The following TBC1D2 variants were observed in gnomAD, a reference collection of about 807,000 sequenced individuals.
TBC1D2 encodes TBC1 domain family member 2A.
TBC1D2 carries 58 observed loss-of-function variants against 91.1 expected under a neutral mutation model. That is an observed-to-expected ratio of 0.64 (90% CI 0.52 to 0.79). The LOEUF is 0.79. Among genes scored for constraint, TBC1D2 ranks in the 30% least tolerant of loss-of-function variants. TBC1D2 has a pLI of 0.00. For synonymous variants in TBC1D2, 482 were observed against 511.5 expected, an observed-to-expected ratio of 0.94 and a Z score of 0.78; for missense variants, 1,080 against 1,208.3, an observed-to-expected ratio of 0.89 and a Z score of 1.57.
intron 9 of TBC1D2, among the ~76,000 whole-genome samples, chr9:98,206,721 A>C (rs576217521): frequency 1.1e-4 from 16 of 152,254 alleles, no homozygotes; most frequent in Non-Finnish European, 1.9e-4. Flanking sequence ...TTGTGGTGAG[A>C]CAACGGGCAG....
At chr9:98,241,278 A>G (rs1176689049) in intron 3 of TBC1D2, among the ~76,000 whole-genome samples, 4 of 152,174 alleles carry the variant, frequency 2.6e-5, no homozygotes, top group Non-Finnish European at 5.9e-5. Context: ...TGAGGACTTA[A>G]CCATGTGATG....
intron 3 of TBC1D2, among the ~76,000 whole-genome samples, chr9:98,236,920 T>C (rs1829518666): frequency 7.1e-6 from 1 of 140,812 alleles, no homozygotes. Flanking sequence ...GTGTAGATCA[T>C]TACTTCCATT....
At chr9:98,214,060 G>A (rs995546854) in intron 6 of TBC1D2, among the ~76,000 whole-genome samples, 18 of 152,330 alleles carry the variant, frequency 1.2e-4, no homozygotes, top group African/African-American at 4.3e-4. Context: ...GTTCAGTCAC[G>A]TAACACATTC....
intron 8 of TBC1D2, among the ~76,000 whole-genome samples, chr9:98,209,624 A>G (rs373255380): frequency 2.0e-3 from 306 of 152,190 alleles, no homozygotes; most frequent in African/African-American, 7.2e-3. Flanking sequence ...GATTTATTCA[A>G]TGTTGACTCA....
intron 11 of TBC1D2, 30 bp downstream of exon 11, chr9:98,201,449 C>T: frequency 3.7e-6 from 6 of 1,601,252 alleles, no homozygotes; most frequent in South Asian, 1.1e-5. Context: ...TGCTCAGGGG[C>T]CCCCTGCCCA....
chr9:98,206,465 TCTCTC>T (rs1481761925), intron 9 of TBC1D2, among the ~76,000 whole-genome samples: 2 of 152,178 alleles, frequency 1.3e-5, no homozygotes, highest in East Asian at 3.8e-4. Flanking sequence ...GGGAGAAGCT[TCTCTC>T]CTCCTATGAG....
chr9:98,255,628 A>C lies in TBC1D2; in HGVS notation c.-87T>G. 2.2e-6 allele frequency: 3 copies of C among 1,387,140 alleles called. No individual in the cohort carries two copies. Among genetic ancestry groups the C allele is most frequent in the Non-Finnish European group, 2.8e-6 (3 of 1,070,526 alleles). 85.9% of individuals were successfully genotyped at this position (1,387,140 alleles called of 1,614,324 possible). ...GGAGACTCGGCGGGCAGCTTCCCAA[A>C]GGGAGACACCTGGGCGGGGGCGGGG... On this transcript the variant is annotated 5_prime_UTR_variant, in exon 1 of 13. Transcript: ENST00000465784.
At chr9:98,230,431 T>G (rs947945722) in intron 4 of TBC1D2, among the ~76,000 whole-genome samples, 2 of 152,344 alleles carry the variant, frequency 1.3e-5, no homozygotes, top group Non-Finnish European at 2.9e-5. Context: ...TGCATTTTAG[T>G]AAACTATTAC....
At chr9:98,254,447 C>T (rs912620925) in intron 1 of TBC1D2, among the ~76,000 whole-genome samples, 1 of 152,182 alleles carries the variant, frequency 6.6e-6, no homozygotes, top group Admixed American at 6.5e-5. Context: ...TTACAAACCA[C>T]CTAGGTTCTG....
At chr9:98,227,023 G>A (rs1274607178) in intron 5 of TBC1D2, among the ~76,000 whole-genome samples, 3 of 152,318 alleles carry the variant, frequency 2.0e-5, no homozygotes, top group African/African-American at 4.8e-5. Flanking sequence ...GAGGCTGCCC[G>A]TATATTCAGG....
chr9:98,203,502 A>T lies in TBC1D2; in HGVS notation c.2151-94T>A. 3 of 1,547,706 alleles carry T rather than the reference A, an allele frequency of 1.9e-6. No individual in the cohort carries two copies. In the South Asian group the frequency reaches 3.6e-5, roughly 19 times the overall value. ...GTGGCTTCCTGGGTTCCAGGGGGAA[A>T]GTCCTTCCATGTGAGCATCAGTGCA... On this transcript the variant is annotated intron_variant, in intron 9 of 12. Transcript: ENST00000465784.
Position 98,228,307 on chromosome 9 carries a change from C to A in TBC1D2, c.978+645G>T, listed in dbSNP as rs1461124022. ...GGACCCTCACTACTTCATAAGGTAG[C>A]CCCTGGCTTTTAATACCATTTACTC... is the stretch of plus-strand genomic sequence containing the variant. On this transcript the variant is annotated intron_variant, in intron 5 of 12. Transcript: ENST00000465784. This position sits in a 1 kb window ranked among gnomAD's most constrained non-coding sequence, Gnocchi z 4.0. Among the ~76,000 whole-genome samples, 1 of 152,222 alleles carries A rather than the reference C, an allele frequency of 6.6e-6. No individual in the cohort carries two copies. Among genetic ancestry groups the A allele is most frequent in the Non-Finnish European group, 1.5e-5 (1 of 68,046 alleles).
chr9:98,211,865 T>C (rs912696942), intron 7 of TBC1D2, among the ~76,000 whole-genome samples: 1 of 151,928 alleles, frequency 6.6e-6, no homozygotes, highest in Non-Finnish European at 1.5e-5. Context: ...TGGCATGATC[T>C]TGGCTCACTG....
chr9:98,229,587 C>G (rs1326669052), intron 4 of TBC1D2, among the ~76,000 whole-genome samples: 1 of 152,218 alleles, frequency 6.6e-6, no homozygotes, highest in Non-Finnish European at 1.5e-5. Flanking sequence ...ATTTTCAAAG[C>G]ACACAGATCT....
Position 98,201,641 on chromosome 9 carries a change from G to A in TBC1D2, c.2295C>T (p.Asp765=), listed in dbSNP as rs1287108537. 4 of 1,612,724 alleles carry A rather than the reference G, an allele frequency of 2.5e-6. No homozygotes were observed. In the African/African-American group the frequency reaches 4.0e-5, roughly 16 times the overall value. ...ASQVDQRVLQ[D]LLSEKLPRLM... ...GCCTGGGCAGCTTCTCCGAGAGCAG[G>A]TCCTGGAGCACCCGCTGGTCCACCT... The change falls in exon 11 of 13, where the codon GAC becomes GAT. Residue 765 remains aspartate, a synonymous_variant. Transcript: ENST00000465784.
chr9:98,202,459 C>T (rs1393758662), intron 10 of TBC1D2, among the ~76,000 whole-genome samples: 1 of 152,194 alleles, frequency 6.6e-6, no homozygotes, highest in African/African-American at 2.4e-5. Context: ...GGCAAACAGC[C>T]AGTAGCTCCC....
At chr9:98,243,003 C>A (rs567400617) in intron 3 of TBC1D2, among the ~76,000 whole-genome samples, 2 of 151,910 alleles carry the variant, frequency 1.3e-5, no homozygotes, top group African/African-American at 2.4e-5. Context: ...TGGTTTTGAA[C>A]TCCTGGCCTC....
chr9:98,255,133 T>C (rs990748470), intron 1 of TBC1D2, 40 bp downstream of exon 1: 3 of 1,568,320 alleles, frequency 1.9e-6, no homozygotes, highest in Non-Finnish European at 2.6e-6. Context: ...AAAGGGGACC[T>C]CACGCCGCTG....
rs1308747091 is a variant in TBC1D2, at chr9:98,228,739, C to A, written c.978+213G>T. On this transcript the variant is annotated intron_variant, in intron 5 of 12. Coordinates refer to ENST00000465784, the MANE Select transcript of TBC1D2 (RefSeq NM_001267571.2). The surrounding 1 kb of genome is among the most constrained non-coding windows in gnomAD (Gnocchi z 4.0). The stretch of plus-strand genomic sequence containing the variant: ...TTATTAGAGTAGATCTCCAGAGATA[C>A]CTGCCCTTGGTGCCCTTTTGTGACT... Among the ~76,000 whole-genome samples, 1 of 152,098 alleles carries A rather than the reference C, an allele frequency of 6.6e-6. No individual in the cohort carries two copies. The highest frequency in any genetic ancestry group is 2.4e-5 in the African/African-American group (1 of 41,420).
Sources: gnomAD v4.1 joint callset for allele counts (sites outside exome capture counted in the v4.1 genomes callset) on GRCh38, gnomAD v4.1.1 for gene constraint, Gnocchi (gnomAD v3.1) non-coding constraint, MANE v1.5 for transcripts, NCBI Gene and HGNC (gene_info 2026-07-23, HGNC 2026-07-21) for gene names.